Variants in ERICH3 observed in about 807,000 individuals in gnomAD.
ERICH3 encodes glutamate rich 3, also known as glutamate-rich protein 3.
ERICH3 carries 126 observed loss-of-function variants against 131.1 expected under a neutral mutation model. The observed-to-expected ratio is 0.96, with a 90% CI of 0.83 to 1.11. ERICH3 has a LOEUF of 1.11. ERICH3 is among the 50% of genes most tolerant of loss of function. ERICH3 has a pLI of 0.00. For synonymous variants in ERICH3, 695 were observed against 644.6 expected (o/e 1.08, Z -1.18); for missense variants, 2,050 against 1,810.7 (o/e 1.13, Z -2.40).
At chr1:74,585,986 T>C (rs1182719196) in intron 12 of ERICH3, among the ~76,000 whole-genome samples, 1 of 152,092 alleles carries the variant, frequency 6.6e-6, no homozygotes, top group Non-Finnish European at 1.5e-5. Context: ...ATTCTGAATA[T>C]TATACATGGT....
chr1:74,585,097 C>T (rs954512890), intron 12 of ERICH3, among the ~76,000 whole-genome samples: 2 of 152,144 alleles, frequency 1.3e-5, no homozygotes, highest in Non-Finnish European at 2.9e-5. Flanking sequence ...AAATACACTA[C>T]TCTTTATTTC....
In ERICH3 at chr1:74,569,580, T is replaced by C. The variant is rs1409947962; in HGVS notation, c.*878A>G. 6.6e-6 allele frequency: 1 copy of C among 152,200 alleles called. No individual in the cohort carries two copies. The highest frequency in any genetic ancestry group is 2.4e-5 in the African/African-American group (1 of 41,458). The allele number at this position is 152,200 out of a possible 1,614,324, so 9.4% of individuals were successfully genotyped here. ...TCATTTAATCCAAGTTTCTTTTCCA[T>C]TTAATGACATCAACTAAAGAGTCTA... is the stretch of plus-strand genomic sequence containing the variant. On this transcript the variant is annotated 3_prime_UTR_variant, in exon 15 of 15. Transcript: ENST00000326665.
At chr1:74,635,999 G>GT (rs1157085708) in intron 6 of ERICH3, among the ~76,000 whole-genome samples, 1 of 152,178 alleles carries the variant, frequency 6.6e-6, no homozygotes, top group Non-Finnish European at 1.5e-5. Context: ...GTTCAGAAAA[G>GT]TTTTCCCCTT....
chr1:74,658,249 TTCCTTG>T (rs1275060101), intron 1 of ERICH3, among the ~76,000 whole-genome samples: 28 of 152,196 alleles, frequency 1.8e-4, no homozygotes, highest in Admixed American at 1.3e-4. Flanking sequence ...CACTTCCCAA[TTCCTTG>T]TCCTCCTTTC....
intron 1 of ERICH3, among the ~76,000 whole-genome samples, chr1:74,671,745 A>G (rs1646745598): frequency 6.6e-6 from 1 of 152,210 alleles, no homozygotes; most frequent in African/African-American, 2.4e-5. Context: ...ATTTAGTTCT[A>G]ACACAATTTT....
rs74764281 is a variant in ERICH3 at position 74,600,614 on chromosome 1, C to T, written c.1490-683G>A. Among the ~76,000 whole-genome samples the T allele has an allele frequency of 6.9e-3, 1,046 of 151,914 alleles. 15 individuals are homozygous for T. Among genetic ancestry groups the T allele is most frequent in the African/African-American group, 0.024 (991 of 41,508 alleles). ...CACAGCCACATATTTGCTTTATTCCCTGCAGAGGTGCTATAAATCTGTAGC... is the reference window on the plus strand; with the variant it reads ...CACAGCCACATATTTGCTTTATTCCTTGCAGAGGTGCTATAAATCTGTAGC... On this transcript the variant is annotated intron_variant, in intron 10 of 14. Transcript: ENST00000326665.
At chr1:74,598,302 T>TA (rs537279811) in intron 11 of ERICH3, among the ~76,000 whole-genome samples, 38 of 151,938 alleles carry the variant, frequency 2.5e-4, no homozygotes, top group Non-Finnish European at 4.9e-4. Flanking sequence ...CCAAGTTGTT[T>TA]AAAAAAACTC....
At chr1:74,576,084 G>T (rs1448913683) in intron 13 of ERICH3, among the ~76,000 whole-genome samples, 1 of 152,280 alleles carries the variant, frequency 6.6e-6, no homozygotes, top group East Asian at 1.9e-4. Flanking sequence ...TTTACTAATT[G>T]TATAAACTGG....
At chr1:74,661,847 C>T (rs1287731735) in intron 1 of ERICH3, among the ~76,000 whole-genome samples, 1 of 152,208 alleles carries the variant, frequency 6.6e-6, no homozygotes, top group Non-Finnish European at 1.5e-5. Flanking sequence ...TTTAAAGCTA[C>T]ATCCTTCTGA....
chr1:74,659,580 T>C (rs1004696611), intron 1 of ERICH3, among the ~76,000 whole-genome samples: 1 of 152,184 alleles, frequency 6.6e-6, no homozygotes, highest in Non-Finnish European at 1.5e-5. Flanking sequence ...ATAAGCACAG[T>C]CCCTGCCCTG....
At chr1:74,579,671 T>C in intron 12 of ERICH3, 1 of 985,450 alleles carries the variant, frequency 1.0e-6, no homozygotes, top group Non-Finnish European at 1.2e-6. Context: ...AGAACTTGGC[T>C]GGTGTCTAAC....
At chr1:74,664,543 T>A (rs765067727) in intron 1 of ERICH3, among the ~76,000 whole-genome samples, 4 of 152,188 alleles carry the variant, frequency 2.6e-5, no homozygotes, top group Non-Finnish European at 5.9e-5. Flanking sequence ...CCAAATTAAC[T>A]GCTACTATAA....
intron 11 of ERICH3, among the ~76,000 whole-genome samples, chr1:74,597,879 T>C (rs1030142653): frequency 2.0e-5 from 3 of 151,918 alleles, no homozygotes; most frequent in Admixed American, 1.3e-4. Context: ...ACCAAAACCA[T>C]GTGGATCAGA....
At chr1:74,590,181 C>A in intron 11 of ERICH3, 101 bp from the exon 12 acceptor site, 1 of 1,062,786 alleles carries the variant, frequency 9.4e-7, no homozygotes, top group Non-Finnish European at 1.3e-6. Flanking sequence ...AATTTTAAAA[C>A]ATAGTTTAAT....
At chr1:74,585,186 C>A (rs1172381337) in intron 12 of ERICH3, among the ~76,000 whole-genome samples, 1 of 152,084 alleles carries the variant, frequency 6.6e-6, no homozygotes, top group Non-Finnish European at 1.5e-5. Flanking sequence ...GAACATATTG[C>A]CAAGATTGTG....
rs1156823816 is a variant in ERICH3, at chr1:74,571,894, T to C, written c.3816A>G (p.Glu1272=). The change falls in exon 14 of 15, where the codon GAA becomes GAG. Residue 1272 remains glutamate, a synonymous_variant. Coordinates refer to ENST00000326665, the MANE Select transcript of ERICH3 (RefSeq NM_001002912.5). Reference sequence around the variant, plus strand: ...TTATGGGATCTTCCTCAGCAACAGCTTCCTGGGTCCTTAGCACGACATCCA... The same window carrying C: ...TTATGGGATCTTCCTCAGCAACAGCCTCCTGGGTCCTTAGCACGACATCCA... The part of the protein sequence containing the change: ...GGVDVVLRTQ[E]AVAEEDPIMA... The C allele has an allele frequency of 5.0e-6, 8 of 1,612,242 alleles. No homozygotes were observed. Among genetic ancestry groups the C allele is most frequent in the African/African-American group, 2.7e-5 (2 of 75,062 alleles).
intron 8 of ERICH3, among the ~76,000 whole-genome samples, chr1:74,619,546 G>T (rs183320689): frequency 6.6e-6 from 1 of 152,176 alleles, no homozygotes; most frequent in Admixed American, 6.5e-5. Flanking sequence ...TAGCTCACTG[G>T]GGCTGCCTGG....
At chr1:74,647,442 A>T (rs1646495721) in intron 2 of ERICH3, among the ~76,000 whole-genome samples, 1 of 151,978 alleles carries the variant, frequency 6.6e-6, no homozygotes, top group Non-Finnish European at 1.5e-5. Context: ...ATGTAATTTA[A>T]TTTGTTGTTT....
intron 12 of ERICH3, 162 bp from the exon 13 acceptor site, chr1:74,577,098 C>T: frequency 1.6e-6 from 1 of 607,200 alleles, no homozygotes; most frequent in Non-Finnish European, 2.9e-6. Flanking sequence ...AAAATTCCTA[C>T]CAGTATTGTA....
Sources: allele counts gnomAD v4.1 joint callset (sites outside exome capture counted in the v4.1 genomes callset), GRCh38; gene constraint gnomAD v4.1.1; transcripts MANE v1.5; gene names NCBI Gene and HGNC (gene_info 2026-07-23, HGNC 2026-07-21).